COBL: variants seen among roughly 807,000 people sequenced by gnomAD.
COBL encodes cordon-bleu WH2 repeat protein.
COBL carries 51 observed loss-of-function variants against 98.8 expected under a neutral mutation model. That is an observed-to-expected ratio of 0.52 (90% CI 0.41 to 0.65). The LOEUF (loss-of-function observed/expected upper bound fraction) is 0.65. Ranked by LOEUF, COBL falls within the 30% of genes least tolerant of loss-of-function variation. The pLI, the probability that COBL is intolerant of heterozygous loss-of-function variation, is 0.00. For missense variants in COBL, 1,617 were observed against 1,617.5 expected (o/e 1.00, Z 0.01); for synonymous variants, 634 against 651.7 (o/e 0.97, Z 0.41).
intron 7 of COBL, chr7:51,071,505 T>C (rs1792550688): frequency 6.6e-6 from 1 of 152,192 alleles, no homozygotes; most frequent in African/African-American, 2.4e-5. Flanking sequence ...GGGGGTGCCA[T>C]GTTCAAATTA....
At position 51,026,619 on chromosome 7, in the gene COBL, G is replaced by T. The variant is rs560605488; in HGVS notation, c.3431C>A (p.Thr1144Lys). ...TGCAGATCGTTCGCCCTCTGCCTCC[G>T]TGTAGGACAGTTTCGCTGGCCTGCC... ...GEGRPAKLSY[T>K]EAEGERSALL... The change falls in exon 11 of 13, where the codon ACG (threonine) becomes AAG (lysine). Residue 1144 changes from threonine (T) to lysine (K), a missense_variant. By Grantham distance (78) the Thr-to-Lys change is moderately conservative (BLOSUM62 -1). Transcript: ENST00000265136. 2 of 1,614,080 alleles carry T rather than the reference G, an allele frequency of 1.2e-6. No individual in the cohort carries two copies. The highest frequency in any genetic ancestry group is 1.7e-6 in the Non-Finnish European group (2 of 1,180,028).
intron 4 of COBL, among the ~76,000 whole-genome samples, chr7:51,190,145 T>C (rs1789952698): frequency 2.0e-5 from 3 of 152,224 alleles, no homozygotes; most frequent in Admixed American, 1.3e-4. Flanking sequence ...TGCCACTGGT[T>C]TTAGACATGA....
intron 5 of COBL, among the ~76,000 whole-genome samples, chr7:51,170,506 G>GATATATATATAT (rs3047166): frequency 7.6e-5 from 10 of 132,072 alleles, no homozygotes; most frequent in African/African-American, 3.0e-4. Context: ...CTGACACTGT[G>GATATATATATAT]ATATATATAT....
At chr7:51,218,766 A>G (rs1186790934) in intron 2 of COBL, among the ~76,000 whole-genome samples, 2 of 152,218 alleles carry the variant, frequency 1.3e-5, no homozygotes, top group Non-Finnish European at 2.9e-5. Flanking sequence ...CACCGTGCCC[A>G]GCCCATTTTA....
At chr7:51,041,974 TG>T (rs901748067) in intron 8 of COBL, among the ~76,000 whole-genome samples, 7 of 152,280 alleles carry the variant, frequency 4.6e-5, no homozygotes, top group African/African-American at 1.4e-4. Context: ...AAAAGAGCAC[TG>T]GAACAGAACA....
chr7:51,064,861 C>G (rs1226686504), intron 7 of COBL: 4 of 371,774 alleles, frequency 1.1e-5, no homozygotes, highest in African/African-American at 8.1e-5. Context: ...AAGTGAAACA[C>G]AGAGGCTGCC....
chr7:51,312,184 G>A lies in COBL; in HGVS notation c.41+4409C>T, dbSNP rs1035687111. 2.6e-5 allele frequency among the ~76,000 whole-genome samples: 4 copies of A among 151,908 alleles called. 1 individual carries two copies. The highest frequency in any genetic ancestry group is 4.4e-5 in the Non-Finnish European group (3 of 67,992). On this transcript the variant is annotated intron_variant, in intron 1 of 12. Coordinates refer to ENST00000265136, the MANE Select transcript of COBL (RefSeq NM_015198.5). ...TAAAAAAAAAAAAATACAAAAATTA[G>A]CTGGGTGTGGTGGTGCACACCTGTA... is the stretch of plus-strand genomic sequence containing the variant.
chr7:51,177,858 T>C (rs1355662830), intron 5 of COBL, among the ~76,000 whole-genome samples: 1 of 151,352 alleles, frequency 6.6e-6, no homozygotes, highest in Admixed American at 6.6e-5. Flanking sequence ...AATATAGTTT[T>C]TGTTGGCCGG....
At chr7:51,298,983 C>T (rs1185677150) in intron 1 of COBL, among the ~76,000 whole-genome samples, 1 of 152,208 alleles carries the variant, frequency 6.6e-6, no homozygotes, top group Non-Finnish European at 1.5e-5. Flanking sequence ...CACAATCAAT[C>T]TTCATGGAGT....
chr7:51,040,817 AT>A (rs1239418056), intron 8 of COBL, among the ~76,000 whole-genome samples: 2 of 152,230 alleles, frequency 1.3e-5, no homozygotes, highest in Non-Finnish European at 2.9e-5. Context: ...CTCAATGATT[AT>A]TCTGGCTGTG....
intron 1 of COBL, among the ~76,000 whole-genome samples, chr7:51,236,996 G>C (rs187990940): frequency 6.6e-6 from 1 of 152,158 alleles, no homozygotes; most frequent in Non-Finnish European, 1.5e-5. Context: ...CCCTGCTTCC[G>C]GTCTGCACTG....
At chr7:51,086,190 C>G (rs1277936983) in intron 6 of COBL, among the ~76,000 whole-genome samples, 2 of 151,692 alleles carry the variant, frequency 1.3e-5, no homozygotes, top group Non-Finnish European at 2.9e-5. Flanking sequence ...TAGAGCAGTG[C>G]AGAGTATGTG....
intron 5 of COBL, among the ~76,000 whole-genome samples, chr7:51,147,175 G>C (rs980386185): frequency 1.3e-5 from 2 of 152,188 alleles, no homozygotes; most frequent in African/African-American, 4.8e-5. Flanking sequence ...GGCTGGGTGT[G>C]GCCTTCCCTC....
intron 5 of COBL, among the ~76,000 whole-genome samples, chr7:51,142,462 C>A (rs1378492125): frequency 3.5e-5 from 5 of 144,576 alleles, no homozygotes; most frequent in Non-Finnish European, 7.5e-5. Context: ...GGGCTCACTG[C>A]AACCTCTGCC....
chr7:51,163,058 C>G (rs1786979207), intron 5 of COBL, among the ~76,000 whole-genome samples: 1 of 152,182 alleles, frequency 6.6e-6, no homozygotes, highest in Admixed American at 6.5e-5. Context: ...AAAAGGAGTG[C>G]CTCTCACAGC....
intron 11 of COBL, among the ~76,000 whole-genome samples, chr7:51,026,334 C>T (rs1787549410): frequency 6.6e-6 from 1 of 152,244 alleles, no homozygotes; most frequent in South Asian, 2.1e-4. Context: ...TGTCTGGAAG[C>T]TCTTGCTGCT....
chr7:51,194,730 T>C (rs1049500367), intron 2 of COBL, among the ~76,000 whole-genome samples: 14 of 152,246 alleles, frequency 9.2e-5, no homozygotes, highest in African/African-American at 3.4e-4. Flanking sequence ...TGAGCTTTTT[T>C]TCATGTTTGT....
chr7:51,144,262 T>C (rs1214024312), intron 5 of COBL, among the ~76,000 whole-genome samples: 1 of 152,176 alleles, frequency 6.6e-6, no homozygotes, highest in African/African-American at 2.4e-5. Context: ...TTGACCCTCA[T>C]ACCAGCTCTA....
At chr7:51,048,809 A>C (rs1286330373) in intron 7 of COBL, among the ~76,000 whole-genome samples, 1 of 152,198 alleles carries the variant, frequency 6.6e-6, no homozygotes, top group East Asian at 1.9e-4. Flanking sequence ...AAACTTTGAC[A>C]TTTCTTAAGC....
Sources: gnomAD v4.1 joint callset for allele counts (sites outside exome capture counted in the v4.1 genomes callset) on GRCh38, gnomAD v4.1.1 for gene constraint, MANE v1.5 for transcripts, NCBI Gene and HGNC (gene_info 2026-07-23, HGNC 2026-07-21) for gene names.